Variants in TMEM237 observed in about 807,000 individuals in gnomAD.
TMEM237 encodes amyotrophic lateral sclerosis 2 (juvenile) chromosome region, candidate 4.
TMEM237 carries 51 observed loss-of-function variants against 59.1 expected under a neutral mutation model. The ratio of observed to expected loss-of-function variants is 0.86; its 90% CI spans 0.69 to 1.09. The LOEUF (loss-of-function observed/expected upper bound fraction) is 1.09, where lower values mean the gene tolerates loss of function less well. TMEM237 is among the 50% of genes least tolerant of loss of function. The probability of loss-of-function intolerance (pLI) is 0.00; values close to 1 mark genes in which losing one functional copy is unlikely to be tolerated. For synonymous variants in TMEM237, 140 were observed against 166.1 expected (o/e 0.84, Z 1.21); for missense variants, 475 against 478.3 (o/e 0.99, Z 0.06).
At chr2:201,626,181 T>G in intron 11 of TMEM237, 34 bp from the exon 12 acceptor site, 2 of 1,600,004 alleles carry the variant, frequency 1.3e-6, no homozygotes, top group African/African-American at 2.7e-5. Context: ...AGAAGTGCCT[T>G]CAGTTTGGTT....
chr2:201,627,846 T>C (rs960846011), intron 10 of TMEM237, among the ~76,000 whole-genome samples: 44 of 152,150 alleles, frequency 2.9e-4, no homozygotes, highest in African/African-American at 9.9e-4. Context: ...GTAAGTAATA[T>C]AGTACAATAA....
intron 1 of TMEM237, 70 bp from the exon 2 acceptor site, chr2:201,640,994 C>A: frequency 1.4e-6 from 2 of 1,406,288 alleles, no homozygotes; most frequent in Admixed American, 2.2e-5. Context: ...TACCATCACG[C>A]TATTTTTTTT....
intron 5 of TMEM237, 55 bp from the exon 6 acceptor site, chr2:201,633,486 A>C (rs1472523986): frequency 5.1e-6 from 7 of 1,383,140 alleles, no homozygotes; most frequent in South Asian, 2.9e-5. Flanking sequence ...AAAGAAAAGT[A>C]ATGTACAAGA....
At chr2:201,633,170 A>AT (rs1574582455) in intron 6 of TMEM237, 141 bp downstream of exon 6, 15 of 773,690 alleles carry the variant, frequency 1.9e-5, no homozygotes, top group Non-Finnish European at 2.7e-5. Context: ...GGTTTAACTG[A>AT]TTTTTTGTAA....
intron 9 of TMEM237, among the ~76,000 whole-genome samples, chr2:201,628,793 C>T (rs1042184737): frequency 1.6e-4 from 24 of 152,116 alleles, no homozygotes; most frequent in African/African-American, 5.8e-4. Flanking sequence ...CCCTCAGAGC[C>T]CTGGAAAAAG....
intron 5 of TMEM237, among the ~76,000 whole-genome samples, chr2:201,633,779 A>G (rs1687230162): frequency 6.6e-6 from 1 of 152,218 alleles, no homozygotes; most frequent in Admixed American, 6.5e-5. Flanking sequence ...ATGGATATAA[A>G]GCAAAATCAG....
At chr2:201,627,709 A>G (rs1315571253) in intron 10 of TMEM237, among the ~76,000 whole-genome samples, 1 of 152,154 alleles carries the variant, frequency 6.6e-6, no homozygotes, top group East Asian at 1.9e-4. Flanking sequence ...TAGTTTTATT[A>G]ATATTCTCAA....
At chr2:201,640,414 G>C (rs531517573) in intron 2 of TMEM237, 149 bp from the exon 3 acceptor site, 2 of 728,984 alleles carry the variant, frequency 2.7e-6, no homozygotes, top group Admixed American at 7.3e-5. Context: ...ATAATAGCTA[G>C]TTTACAAACT....
chr2:201,620,925 A>T lies in TMEM237; in HGVS notation c.*3330T>A, dbSNP rs914274527. The T allele has an allele frequency of 1.3e-5, 2 of 152,186 alleles. No homozygotes were observed. The highest frequency in any genetic ancestry group is 6.5e-5 in the Admixed American group (1 of 15,276). 9.4% of individuals were successfully genotyped at this position (152,186 alleles called of 1,614,324 possible). ...AAAGATAGAGTTCTTTAGGGGCAGG[A>T]ACCTGCACCTCACCTTGTGCTCCTC... On this transcript the variant is annotated 3_prime_UTR_variant, in exon 13 of 13. Transcript: ENST00000409883.
chr2:201,627,948 T>C, intron 10 of TMEM237, 128 bp downstream of exon 10: 1 of 542,858 alleles, frequency 1.8e-6, no homozygotes, highest in South Asian at 4.3e-5. Context: ...ACAAATTCAC[T>C]GAACATCTAT....
chr2:201,643,377 C>T lies in TMEM237; in HGVS notation c.24G>A (p.Arg8=), dbSNP rs377090903. The change falls in exon 1 of 13, where the codon CGG becomes CGA. Residue 8 remains arginine, a synonymous_variant. Transcript: ENST00000409883. The surrounding 1 kb of genome is among the most constrained non-coding windows in gnomAD (Gnocchi z 4.3). MRTDSGA[R]LEEGHLRPPR... Reference sequence around the variant, plus strand: ...CGCTCACCAGGTGGCCCTCCTCCAGCCGAGCCCCCGAGTCAGTCCTCATGG... The same window carrying T: ...CGCTCACCAGGTGGCCCTCCTCCAGTCGAGCCCCCGAGTCAGTCCTCATGG... 5.8e-6 allele frequency: 9 copies of T among 1,546,272 alleles called. No homozygotes were observed. Among genetic ancestry groups the T allele is most frequent in the East Asian group, 2.5e-5 (1 of 40,208 alleles).
chr2:201,638,942 G>C lies in TMEM237; in HGVS notation c.136+47C>G, dbSNP rs199598311. The C allele has an allele frequency of 2.4e-4, 363 of 1,531,684 alleles. 1 individual carries two copies. In the African/African-American group the frequency reaches 4.2e-3, roughly 18 times the overall value. 94.9% of individuals were successfully genotyped at this position (1,531,684 alleles called of 1,614,324 possible). On this transcript the variant is annotated intron_variant, in intron 4 of 12. Coordinates refer to ENST00000409883, the MANE Select transcript of TMEM237 (RefSeq NM_001044385.3). Reference sequence around the variant, plus strand: ...ATCTGTGATGTTTACTACGCCTGAGGTCCTGGGAAAACTTGTGATCCCACA... The same window carrying C: ...ATCTGTGATGTTTACTACGCCTGAGCTCCTGGGAAAACTTGTGATCCCACA...
In TMEM237 at chr2:201,625,986, G is replaced by A. The variant is rs766935734; in HGVS notation, c.1159+40C>T. 1.9e-6 allele frequency: 3 copies of A among 1,541,020 alleles called. No homozygotes were observed. In the South Asian group the frequency reaches 3.6e-5, roughly 19 times the overall value. ...GGAGGTTTATAAAACCATTATAGAA[G>A]ATTTCAGGATATTCTTATGCTATTT... On this transcript the variant is annotated intron_variant, in intron 12 of 12. Transcript: ENST00000409883.
intron 4 of TMEM237, among the ~76,000 whole-genome samples, chr2:201,637,830 A>T (rs1687331786): frequency 6.6e-6 from 1 of 152,228 alleles, no homozygotes; most frequent in Non-Finnish European, 1.5e-5. Flanking sequence ...GTAAACTAAA[A>T]TAAGCTACTT....
At position 201,622,627 on chromosome 2, in the gene TMEM237, TC is replaced by T. The variant is rs371237270; in HGVS notation, c.*1627del. On this transcript the variant is annotated 3_prime_UTR_variant, in exon 13 of 13. Transcript: ENST00000409883. The stretch of plus-strand genomic sequence containing the variant: ...CTCTGACCACAGACATAAAAGGCTT[TC>T]TTCTCTGCTTTTAAGGACTCATAAG... 4.4e-3 allele frequency: 667 copies of T among 152,470 alleles called. 3 individuals are homozygous for T. The highest frequency in any genetic ancestry group is 0.02 in the Middle Eastern group (6 of 296). 9.4% of individuals were successfully genotyped at this position (152,470 alleles called of 1,614,324 possible).
chr2:201,632,955 TTC>T (rs1355685145), intron 6 of TMEM237, among the ~76,000 whole-genome samples: 42 of 152,366 alleles, frequency 2.8e-4, no homozygotes, highest in Non-Finnish European at 3.4e-4. Flanking sequence ...ATAATTTGAA[TTC>T]TGTTAACATA....
rs752545565 is a variant in TMEM237, at chr2:201,626,134, C to T, written c.1051G>A (p.Glu351Lys). Reference sequence around the variant, plus strand: ...ATCCATGGCTGGAGAATCTGTTCCTCAATTCCTGCTTCCCTAAAAATGTAG... The same window carrying T: ...ATCCATGGCTGGAGAATCTGTTCCTTAATTCCTGCTTCCCTAAAAATGTAG... ...VNGSLWEAGI[E>K]EQILQPWIVV... is the part of the protein sequence containing the mutation. The change falls in exon 12 of 13, where the codon GAG becomes AAG. Residue 351 changes from glutamate to lysine, a missense_variant. Coordinates refer to ENST00000409883, the MANE Select transcript of TMEM237 (RefSeq NM_001044385.3). 3.1e-6 allele frequency: 5 copies of T among 1,611,232 alleles called. No homozygotes were observed. The Admixed American group carries it at 5.0e-5, about 16-fold the overall frequency.
chr2:201,636,579 T>G (rs1378069407), intron 5 of TMEM237, 169 bp downstream of exon 5: 7 of 710,774 alleles, frequency 9.8e-6, no homozygotes, highest in Non-Finnish European at 9.0e-6. Flanking sequence ...TGTAAAGTAT[T>G]CTTGGCTTAA....
intron 1 of TMEM237, chr2:201,642,756 C>T (rs1248789288): frequency 2.1e-6 from 3 of 1,452,254 alleles, no homozygotes; most frequent in African/African-American, 1.5e-5. Flanking sequence ...CCGCGCGCAG[C>T]GCCCTGCGGG....
Sources: gnomAD v4.1 joint callset for allele counts (sites outside exome capture counted in the v4.1 genomes callset) on GRCh38, gnomAD v4.1.1 for gene constraint, Gnocchi (gnomAD v3.1) non-coding constraint, MANE v1.5 for transcripts, NCBI Gene and HGNC (gene_info 2026-07-23, HGNC 2026-07-21) for gene names.